The following RAPGEFL1 variants were observed in gnomAD, a reference collection of about 807,000 sequenced individuals.
RAPGEFL1 encodes the protein Rap guanine nucleotide exchange factor like 1.
Under a neutral mutation model 64.4 loss-of-function variants are expected in RAPGEFL1, and 31 were observed. The ratio of observed to expected loss-of-function variants is 0.48; its 90% CI spans 0.36 to 0.65. The LOEUF (loss-of-function observed/expected upper bound fraction) is 0.65. Among genes scored for constraint, RAPGEFL1 ranks in the 30% least tolerant of loss-of-function variants. RAPGEFL1 has a pLI of 0.00. For synonymous variants in RAPGEFL1, 331 were observed against 274.1 expected (o/e 1.21, Z -2.05); for missense variants, 682 against 677.4 (o/e 1.01, Z -0.08).
chr17:40,190,897 T>G (rs1261907080), intron 8 of RAPGEFL1, 135 bp downstream of exon 8: 1 of 1,373,138 alleles, frequency 7.3e-7, no homozygotes, highest in African/African-American at 1.5e-5. Context: ...GGCCGTAACC[T>G]TTGTTCCCCC....
In RAPGEFL1 at chr17:40,177,484, A is replaced by C; in HGVS notation, c.-378A>C. ...CGGTTCTGCCACCTTCCCCCTCTTC[A>C]CGGCCAGGAGCGCAGCCGCCGCCGC... On this transcript the variant is annotated 5_prime_UTR_variant, in exon 1 of 15. Coordinates refer to ENST00000620260, the MANE Select transcript of RAPGEFL1 (RefSeq NM_016339.6). 1 of 621,790 alleles carries C rather than the reference A, an allele frequency of 1.6e-6. No homozygotes were observed. Among genetic ancestry groups the C allele is most frequent in the Non-Finnish European group, 2.9e-6 (1 of 347,206 alleles). The allele number at this position is 621,790 out of a possible 1,614,324, so 38.5% of individuals were successfully genotyped here.
Position 40,192,215 on chromosome 17 carries a change from G to C in RAPGEFL1, c.1608G>C (p.Lys536Asn). The change falls in exon 11 of 15, where the codon AAG (lysine) becomes AAC (asparagine). Residue 536 changes from lysine to asparagine, a missense_variant and splice_region_variant. Transcript: ENST00000620260. ...TCTCCTTCCTTCAAACTCTGCAGAA[G>C]CTGCCAGGGAAATTCAAGAACTTGT... ...AVSRLRLTWEKLPGKFKNLFR... is the reference protein window; with the variant it reads ...AVSRLRLTWENLPGKFKNLFR... 6.2e-7 allele frequency: 1 copy of C among 1,613,872 alleles called. No individual in the cohort carries two copies. Among genetic ancestry groups the C allele is most frequent in the Non-Finnish European group, 8.5e-7 (1 of 1,179,752 alleles).
chr17:40,192,085 C>T, intron 10 of RAPGEFL1, 128 bp from the exon 11 acceptor site: 1 of 820,676 alleles, frequency 1.2e-6, no homozygotes, highest in Non-Finnish European at 2.1e-6. Context: ...CCCCACCCAC[C>T]AGCTTCCCAG....
Position 40,177,912 on chromosome 17 carries a change from C to G in RAPGEFL1, c.51C>G (p.Gly17=). The change falls in exon 1 of 15, where the codon GGC becomes GGG. Residue 17 remains glycine (G), a synonymous_variant. Coordinates refer to ENST00000620260, the MANE Select transcript of RAPGEFL1 (RefSeq NM_016339.6). Reference sequence around the variant, plus strand: ...AGAAGCAGACGTCGCAGCTGGCGGGCCGAACGGTGGCGGGAGGTCCCGGCG... The same window carrying G: ...AGAAGCAGACGTCGCAGCTGGCGGGGCGAACGGTGGCGGGAGGTCCCGGCG... ...FLKKQTSQLA[G]RTVAGGPGGG... is the part of the protein sequence containing the mutation. The G allele has an allele frequency of 2.4e-6, 1 of 422,720 alleles. No individual in the cohort carries two copies. Among genetic ancestry groups the G allele is most frequent in the Non-Finnish European group, 4.2e-6 (1 of 238,258 alleles). 26.2% of individuals were successfully genotyped at this position (422,720 alleles called of 1,614,324 possible).
chr17:40,183,147 CAAAT>C (rs527640170), intron 2 of RAPGEFL1, among the ~76,000 whole-genome samples: 7 of 151,852 alleles, frequency 4.6e-5, no homozygotes, highest in East Asian at 1.9e-4. Context: ...GACTCCCTCT[CAAAT>C]AAATAAATAA....
At chr17:40,182,231 A>G (rs1477647947) in intron 2 of RAPGEFL1, among the ~76,000 whole-genome samples, 2 of 152,096 alleles carry the variant, frequency 1.3e-5, no homozygotes, top group African/African-American at 2.4e-5. Flanking sequence ...CTGCCTATCT[A>G]TTAGCTGCTA....
In RAPGEFL1 at chr17:40,192,668, T is replaced by A. The variant is rs1990316982; in HGVS notation, c.1719T>A (p.Ile573=). ...TCTCCAAAATGAAGCCCCCTGTGATTCCCTTCGTGCCTCTGATCCTCAAAG... is the reference window on the plus strand; with the variant it reads ...TCTCCAAAATGAAGCCCCCTGTGATACCCTTCGTGCCTCTGATCCTCAAAG... ...EVISKMKPPV[I]PFVPLILKDL... The change falls in exon 12 of 15, where the codon ATT becomes ATA. Residue 573 remains isoleucine (I), a synonymous_variant. Transcript: ENST00000620260. 1.2e-6 allele frequency: 2 copies of A among 1,613,734 alleles called. No individual in the cohort carries two copies.
chr17:40,192,240 T>A lies in RAPGEFL1; in HGVS notation c.1633T>A (p.Phe545Ile). Residue 545 changes from phenylalanine to isoleucine, a missense_variant, in exon 11 of 15, where the codon TTT becomes ATT. Phe to Ile is a conservative substitution (Grantham distance 21). Around this residue, in one of 2 missense-constraint regions of RAPGEFL1, gnomAD observed 411 missense variants for 519.4 expected, o/e 0.79. Transcript: ENST00000620260. ...GCTGCCAGGGAAATTCAAGAACTTGTTTCGCAAATTTGAGAACCTGACGGT... is the reference window on the plus strand; with the variant it reads ...GCTGCCAGGGAAATTCAAGAACTTGATTCGCAAATTTGAGAACCTGACGGT... Reference protein sequence around the residue: ...EKLPGKFKNLFRKFENLTDPC... With the variant: ...EKLPGKFKNLIRKFENLTDPC... The A allele has an allele frequency of 6.2e-7, 1 of 1,614,110 alleles. No homozygotes were observed. The highest frequency in any genetic ancestry group is 8.5e-7 in the Non-Finnish European group (1 of 1,179,956).
rs568995792 is a variant in RAPGEFL1 at position 40,190,716 on chromosome 17, A to G, written c.1289A>G (p.Asn430Ser). The G allele has an allele frequency of 8.6e-5, 139 of 1,614,168 alleles. No homozygotes were observed. Among genetic ancestry groups the G allele is most frequent in the South Asian group, 6.0e-4 (55 of 91,076 alleles). ...IHRVEPEDVANHLTAFHWELF... is the reference protein window; with the variant it reads ...IHRVEPEDVASHLTAFHWELF... ...CGAGTGGAGCCTGAGGACGTTGCCA[A>G]CCACCTAACTGCCTTCCACTGGGAG... is the stretch of plus-strand genomic sequence containing the variant. The change falls in exon 8 of 15, where the codon AAC (asparagine) becomes AGC (serine). Residue 430 changes from asparagine to serine, a missense_variant. Asn to Ser is a conservative substitution (Grantham distance 46). Around this residue, in one of 2 missense-constraint regions of RAPGEFL1, gnomAD observed 411 missense variants for 519.4 expected, o/e 0.79. Coordinates refer to ENST00000620260, the MANE Select transcript of RAPGEFL1 (RefSeq NM_016339.6).
Position 40,184,573 on chromosome 17 carries a change from C to T in RAPGEFL1, c.736-8C>T, listed in dbSNP as rs766633563. 9 of 1,494,010 alleles carry T rather than the reference C, an allele frequency of 6.0e-6. No individual in the cohort carries two copies. The highest frequency in any genetic ancestry group is 1.4e-5 in the African/African-American group (1 of 71,862). 92.5% of individuals were successfully genotyped at this position (1,494,010 alleles called of 1,614,324 possible). On this transcript the variant is annotated splice_polypyrimidine_tract_variant and splice_region_variant and intron_variant, in intron 3 of 14. Coordinates refer to ENST00000620260, the MANE Select transcript of RAPGEFL1 (RefSeq NM_016339.6). ...CTTCCTTCACCTTCTTTGTCCTCCT[C>T]TCTCCAGGATCTATACCTGCTAATT...
Position 40,195,167 on chromosome 17 carries a change from CAA to C in RAPGEFL1, c.*1381_*1382del, listed in dbSNP as rs1345524287. 6.6e-6 allele frequency: 1 copy of C among 152,260 alleles called. No homozygotes were observed. Among genetic ancestry groups the C allele is most frequent in the Admixed American group, 6.5e-5 (1 of 15,282 alleles). 9.4% of individuals were successfully genotyped at this position (152,260 alleles called of 1,614,324 possible). On this transcript the variant is annotated 3_prime_UTR_variant, in exon 15 of 15. Transcript: ENST00000620260. Reference sequence around the variant, plus strand: ...AATTGTACATTTATTTTTTAAAACTCAAAGAGGGAAAGAGCCTTGTATCATAT... The same window carrying C: ...AATTGTACATTTATTTTTTAAAACTCAGAGGGAAAGAGCCTTGTATCATAT...
chr17:40,183,321 A>G (rs943346461), intron 2 of RAPGEFL1, among the ~76,000 whole-genome samples: 3 of 151,866 alleles, frequency 2.0e-5, no homozygotes, highest in Admixed American at 6.6e-5. Context: ...GGTATCCTCA[A>G]GTGAAAATCT....
rs1989751459 is a variant in RAPGEFL1 at position 40,177,639 on chromosome 17, G to A, written c.-223G>A. 4.9e-6 allele frequency: 2 copies of A among 407,488 alleles called. No homozygotes were observed. The highest frequency in any genetic ancestry group is 4.1e-5 in the African/African-American group (2 of 48,348). The allele number at this position is 407,488 out of a possible 1,614,324, so 25.2% of individuals were successfully genotyped here. A position where few individuals can be genotyped will look rare whatever the true frequency, so the allele number is the denominator to read the frequency against. On this transcript the variant is annotated 5_prime_UTR_variant, in exon 1 of 15. Transcript: ENST00000620260. ...CGTGCCGGCTGCAGCCGGCATGGGGGGTTGCTGAGAGCGAGCACTCCTTTC... is the reference window on the plus strand; with the variant it reads ...CGTGCCGGCTGCAGCCGGCATGGGGAGTTGCTGAGAGCGAGCACTCCTTTC...
chr17:40,178,106 A>T lies in RAPGEFL1; in HGVS notation c.245A>T (p.Glu82Val), dbSNP rs1598436393. The change falls in exon 1 of 15, where the codon GAG becomes GTG. Residue 82 changes from glutamate to valine, a missense_variant. Physicochemically the swap from Glu to Val is moderately radical, Grantham distance 121. This residue lies in a region of RAPGEFL1 where 271 missense variants were observed against 158.0 expected (regional missense o/e 1.72). Coordinates refer to ENST00000620260, the MANE Select transcript of RAPGEFL1 (RefSeq NM_016339.6). ...GAGCCGGGGCTGGAGCCGCCCCCTG[A>T]GGAGGAAGGAGGAGAGCCGGCGGGG... ...PAEPGLEPPP[E>V]EEGGEPAGVA... The T allele has an allele frequency of 8.7e-6, 5 of 571,994 alleles. No individual in the cohort carries two copies. The South Asian group carries it at 1.0e-4, about 12-fold the overall frequency. The allele number at this position is 571,994 out of a possible 1,614,324, so 35.4% of individuals were successfully genotyped here.
rs1306092750 is a variant in RAPGEFL1 at position 40,191,523 on chromosome 17, GC to G, written c.1514+31del. ...AGTGCGGCCGTCGGCGGGATGGGGGGCCGGAGGCCGGAGGCCCGCGCCGCCG... is the reference window on the plus strand; with the variant it reads ...AGTGCGGCCGTCGGCGGGATGGGGGGCGGAGGCCGGAGGCCCGCGCCGCCG... On this transcript the variant is annotated intron_variant, in intron 9 of 14. Transcript: ENST00000620260. The surrounding 1 kb of genome is among the most constrained non-coding windows in gnomAD (Gnocchi z 5.1). The G allele has an allele frequency of 8.9e-6, 14 of 1,566,664 alleles. No individual in the cohort carries two copies. Among genetic ancestry groups the G allele is most frequent in the Non-Finnish European group, 1.2e-5 (14 of 1,159,050 alleles).
At position 40,191,917 on chromosome 17, in the gene RAPGEFL1, C is replaced by G. The variant is rs1990288799; in HGVS notation, c.1605+245C>G. Among the ~76,000 whole-genome samples the G allele has an allele frequency of 6.6e-6, 1 of 152,248 alleles. No homozygotes were observed. Among genetic ancestry groups the G allele is most frequent in the South Asian group, 2.1e-4 (1 of 4,834 alleles). On this transcript the variant is annotated intron_variant, in intron 10 of 14. Transcript: ENST00000620260. This position sits in a 1 kb window ranked among gnomAD's most constrained non-coding sequence, Gnocchi z 5.1. ...GGCAGCCCTTGGCCAGGTCAGGTCG[C>G]AGACTTGGCTGTGGGAGTTGGGCTG...
chr17:40,185,968 GAA>G (rs758965386), intron 4 of RAPGEFL1, among the ~76,000 whole-genome samples: 1 of 123,392 alleles, frequency 8.1e-6, no homozygotes, highest in Non-Finnish European at 1.7e-5. Context: ...CGTCTCTAAA[GAA>G]AAAAAAAAAG....
chr17:40,188,632 G>T, intron 4 of RAPGEFL1: 1 of 550,278 alleles, frequency 1.8e-6, no homozygotes, highest in Non-Finnish European at 3.3e-6. Context: ...GACCTTCCTG[G>T]TGGGTGGGGT....
At chr17:40,179,162 G>A (rs546394002) in intron 1 of RAPGEFL1, among the ~76,000 whole-genome samples, 3 of 152,186 alleles carry the variant, frequency 2.0e-5, no homozygotes, top group African/African-American at 7.2e-5. Context: ...CACCGCCCAG[G>A]TTCAAGCGAT....
Sources: allele counts gnomAD v4.1 joint callset (sites outside exome capture counted in the v4.1 genomes callset), GRCh38; gene constraint gnomAD v4.1.1; regional missense constraint gnomAD v4.1.1; non-coding constraint Gnocchi (gnomAD v3.1); transcripts MANE v1.5; gene names NCBI Gene and HGNC (gene_info 2026-07-23, HGNC 2026-07-21).